The following MEST variants were observed in gnomAD, a reference collection of about 807,000 sequenced individuals.
MEST encodes the protein mesoderm-specific transcript homolog protein.
MEST carries 18 observed loss-of-function variants against 50.9 expected under a neutral mutation model. The ratio of observed to expected loss-of-function variants is 0.35; its 90% CI spans 0.24 to 0.52. The LOEUF is 0.52. MEST is among the 20% of genes least tolerant of loss of function. The pLI is 0.94. For synonymous variants in MEST, 130 were observed against 154.1 expected (o/e 0.84, Z 1.16); for missense variants, 282 against 425.3 (o/e 0.66, Z 2.96).
rs1162017750 is a variant in MEST, at chr7:130,492,833, C to T, written c.26+494C>T. On this transcript the variant is annotated intron_variant, in intron 1 of 11. Coordinates refer to ENST00000223215, the MANE Select transcript of MEST (RefSeq NM_002402.4). The surrounding 1 kb of genome is among the most constrained non-coding windows in gnomAD (Gnocchi z 7.6). ...GGTGCGATTCAGGATTCTTAGACTC[C>T]GCCGTTGCCGTGGCGCGATTTAGGA... is the stretch of plus-strand genomic sequence containing the variant. Among the ~76,000 whole-genome samples the T allele has an allele frequency of 6.6e-6, 1 of 151,874 alleles. No individual in the cohort carries two copies. The highest frequency in any genetic ancestry group is 2.4e-5 in the African/African-American group (1 of 41,324).
At chr7:130,502,155 T>C (rs180674248) in intron 9 of MEST, among the ~76,000 whole-genome samples, 12 of 152,102 alleles carry the variant, frequency 7.9e-5, no homozygotes, top group Admixed American at 7.9e-4. Context: ...TCAGAAGTTA[T>C]AGCTGTAGTG....
At position 130,503,926 on chromosome 7, in the gene MEST, T is replaced by C; in HGVS notation, c.827-7T>C. On this transcript the variant is annotated splice_polypyrimidine_tract_variant and splice_region_variant and intron_variant, in intron 10 of 11. Coordinates refer to ENST00000223215, the MANE Select transcript of MEST (RefSeq NM_002402.4). ...GTTAAGTATTTCATTCCTTTTCTCT[T>C]TTCTAGTTCATTTTATCTATGGGCC... 6.2e-7 allele frequency: 1 copy of C among 1,610,136 alleles called. No individual in the cohort carries two copies.
intron 9 of MEST, 115 bp downstream of exon 9, chr7:130,501,005 T>A: frequency 1.2e-6 from 1 of 823,752 alleles, no homozygotes; most frequent in Non-Finnish European, 1.9e-6. Flanking sequence ...GATGATGACC[T>A]ATGGGGCAAA....
chr7:130,501,559 G>T (rs1336480328), intron 9 of MEST, among the ~76,000 whole-genome samples: 1 of 152,216 alleles, frequency 6.6e-6, no homozygotes, highest in East Asian at 1.9e-4. Flanking sequence ...AAAAATAACT[G>T]TCCTGGAGTT....
rs1382246183 is a variant in MEST, at chr7:130,502,868, CTTT to C, written c.826+152_826+154del. 5.1e-5 allele frequency: 32 copies of C among 623,256 alleles called. No homozygotes were observed. The African/African-American group carries it at 5.9e-4, about 11-fold the overall frequency. 38.6% of individuals were successfully genotyped at this position (623,256 alleles called of 1,614,324 possible). A position where few individuals can be genotyped will look rare whatever the true frequency, so the allele number is the denominator to read the frequency against. On this transcript the variant is annotated intron_variant, in intron 10 of 11. Transcript: ENST00000223215. ...TTGAATTTTAGATAAACAACAAATG[CTTT>C]TTTAGTATTTAAGTATATGTTGTAC... is the stretch of plus-strand genomic sequence containing the variant.
At chr7:130,496,636 A>G (rs1799073510) in intron 2 of MEST, 1 of 165,622 alleles carries the variant, frequency 6.0e-6, no homozygotes, top group Non-Finnish European at 1.3e-5. Context: ...ATTTTGTAAT[A>G]GTTTTATTAT....
intron 11 of MEST, 84 bp from the exon 12 acceptor site, chr7:130,504,855 G>C (rs1799418529): frequency 2.1e-6 from 2 of 972,202 alleles, no homozygotes; most frequent in Non-Finnish European, 3.3e-6. Context: ...TGTGTCCACA[G>C]GGTCATTTAC....
chr7:130,486,382 C>G (rs1554433690), exon 1 of MEST: 2 of 152,374 alleles, frequency 1.3e-5, no homozygotes, highest in African/African-American at 4.8e-5. Context: ...TAGGCAAGGT[C>G]TTACCTGAAT....
At chr7:130,502,813 C>A in intron 10 of MEST, 93 bp downstream of exon 10, 1 of 882,322 alleles carries the variant, frequency 1.1e-6, no homozygotes, top group South Asian at 1.8e-5. Flanking sequence ...CCAGATTTAG[C>A]AAATAAAAAT....
Position 130,500,719 on chromosome 7 carries a change from GAGGTTCCAGCCATATTGA to G in MEST, c.648-68_648-51del. 7.3e-7 allele frequency: 1 copy of G among 1,373,922 alleles called. No homozygotes were observed. The highest frequency in any genetic ancestry group is 1.0e-6 in the Non-Finnish European group (1 of 990,888). The allele number at this position is 1,373,922 out of a possible 1,614,324, so 85.1% of individuals were successfully genotyped here. On this transcript the variant is annotated intron_variant, in intron 8 of 11. Transcript: ENST00000223215. The surrounding 1 kb of genome is among the most constrained non-coding windows in gnomAD (Gnocchi z 5.0). ...GCATGGCCCAGACTGCATGGCCTCT[GAGGTTCCAGCCATATTGA>G]ACATTCTGAGTTCTCCTCACACTTA...
Position 130,495,078 on chromosome 7 carries a change from G to T in MEST, c.27-290G>T, listed in dbSNP as rs79301385. 2.6e-5 allele frequency among the ~76,000 whole-genome samples: 4 copies of T among 152,258 alleles called. No homozygotes were observed. In the East Asian group the frequency reaches 7.7e-4, roughly 29 times the overall value. On this transcript the variant is annotated intron_variant, in intron 1 of 11. Transcript: ENST00000223215. ...AGTCCTCTTCAGCAGGTATTGGGAA[G>T]ACCACAAGGGTAGGGGCTAAGGGGT...
At position 130,503,592 on chromosome 7, in the gene MEST, T is replaced by A. The variant is rs782701041; in HGVS notation, c.827-341T>A. On this transcript the variant is annotated intron_variant, in intron 10 of 11. Transcript: ENST00000223215. Reference sequence around the variant, plus strand: ...GGGAGGCTGAGGTGGGAGGACTGGTTGAGCCCAGGAGTTTGGCACCACTCT... The same window carrying A: ...GGGAGGCTGAGGTGGGAGGACTGGTAGAGCCCAGGAGTTTGGCACCACTCT... Among the ~76,000 whole-genome samples the A allele has an allele frequency of 8.7e-4, 132 of 152,208 alleles. 2 individuals carry two copies. The highest frequency in any genetic ancestry group is 2.9e-4 in the Non-Finnish European group (20 of 68,044).
Position 130,504,996 on chromosome 7 carries a change from A to G in MEST, c.948A>G (p.Pro316=), listed in dbSNP as rs781951677. Residue 316 remains proline, a synonymous_variant, in exon 12 of 12, where the codon CCA becomes CCG. Coordinates refer to ENST00000223215, the MANE Select transcript of MEST (RefSeq NM_002402.4). ...SILDDHISHY[P]QLEDPMGFLN... ...TGGATGACCACATTAGCCACTATCCACAGCTAGAGGATCCCATGGGCTTCT... is the reference window on the plus strand; with the variant it reads ...TGGATGACCACATTAGCCACTATCCGCAGCTAGAGGATCCCATGGGCTTCT... 1 of 1,613,920 alleles carries G rather than the reference A, an allele frequency of 6.2e-7. No individual in the cohort carries two copies. Among genetic ancestry groups the G allele is most frequent in the Admixed American group, 1.7e-5 (1 of 60,016 alleles).
Position 130,502,261 on chromosome 7 carries a change from C to T in MEST, c.750-383C>T, listed in dbSNP as rs553585246. Among the ~76,000 whole-genome samples the T allele has an allele frequency of 3.0e-4, 45 of 152,204 alleles. No individual in the cohort carries two copies. The South Asian group carries it at 6.4e-3, about 22-fold the overall frequency. ...AAAACAAACCAACAAATGAGGAAAC[C>T]GAGTTGAAAGATCTGTGTTATATGT... On this transcript the variant is annotated intron_variant, in intron 9 of 11. Transcript: ENST00000223215.
At chr7:130,502,960 G>A (rs1384284420) in intron 10 of MEST, among the ~76,000 whole-genome samples, 1 of 152,086 alleles carries the variant, frequency 6.6e-6, no homozygotes, top group African/African-American at 2.4e-5. Flanking sequence ...AATTTTCTGG[G>A]TATCCTTTAT....
intron 10 of MEST, among the ~76,000 whole-genome samples, chr7:130,503,206 A>T (rs1469761323): frequency 2.6e-5 from 4 of 152,008 alleles, no homozygotes; most frequent in Admixed American, 6.6e-5. Flanking sequence ...TTACAGATTT[A>T]AAAAAAAATT....
intron 7 of MEST, 68 bp downstream of exon 7, chr7:130,499,983 T>A: frequency 7.8e-7 from 1 of 1,283,986 alleles, no homozygotes; most frequent in Non-Finnish European, 1.1e-6. Context: ...TGGGACCTTT[T>A]AAGGGCCATA....
At chr7:130,486,666 C>G (rs1563015272) in intron 1 of MEST, 1 of 152,226 alleles carries the variant, frequency 6.6e-6, no homozygotes. Context: ...CCCAGCACCT[C>G]GGGGTCGTAG....
chr7:130,495,634 A>C (rs1010880956), intron 2 of MEST, 112 bp downstream of exon 2: 16 of 1,122,262 alleles, frequency 1.4e-5, no homozygotes, highest in South Asian at 4.9e-5. Context: ...GGAGGAGAGT[A>C]TCTCTCTCTC....
Sources: gnomAD v4.1 joint callset for allele counts (sites outside exome capture counted in the v4.1 genomes callset) on GRCh38, gnomAD v4.1.1 for gene constraint, Gnocchi (gnomAD v3.1) non-coding constraint, MANE v1.5 for transcripts, NCBI Gene and HGNC (gene_info 2026-07-23, HGNC 2026-07-21) for gene names.